The following ALK variants were observed in gnomAD, a reference collection of about 807,000 sequenced individuals.
The protein encoded by ALK is ALK tyrosine kinase receptor.
Under a neutral mutation model 163.1 loss-of-function variants are expected in ALK, and 74 were observed. The ratio of observed to expected loss-of-function variants is 0.45; its 90% CI spans 0.38 to 0.55. The LOEUF is 0.55. Among genes scored for constraint, ALK ranks in the 20% least tolerant of loss-of-function variants. The probability of loss-of-function intolerance (pLI) is 0.00; values close to 1 mark genes in which losing one functional copy is unlikely to be tolerated. For missense variants in ALK, 2,063 were observed against 2,105.3 expected (o/e 0.98, Z 0.39); for synonymous variants, 960 against 843.2 (o/e 1.14, Z -2.40).
At chr2:29,289,004 G>T (rs191397723) in intron 9 of ALK, among the ~76,000 whole-genome samples, 4 of 140,922 alleles carry the variant, frequency 2.8e-5, no homozygotes, top group Non-Finnish European at 6.3e-5. Context: ...ATAAATAAAA[G>T]AAAATTGTGT....
rs144342287 is a variant in ALK, at chr2:29,695,119, T to C, written c.788-105A>G. 8.6e-4 allele frequency: 1,128 copies of C among 1,309,502 alleles called. 10 individuals carry two copies. The African/African-American group carries it at 0.014, about 16-fold the overall frequency. The allele number at this position is 1,309,502 out of a possible 1,614,324, so 81.1% of individuals were successfully genotyped here. A position where few individuals can be genotyped will look rare whatever the true frequency, so the allele number is the denominator to read the frequency against. The stretch of plus-strand genomic sequence containing the variant: ...GGTTGGCCTTCATCTCCCCACATCC[T>C]TTGCCCTGTCCAAGGGAGATCAGTT... On this transcript the variant is annotated intron_variant, in intron 2 of 28. Coordinates refer to ENST00000389048, the MANE Select transcript of ALK (RefSeq NM_004304.5).
chr2:29,593,000 G>A (rs530762832), intron 3 of ALK, among the ~76,000 whole-genome samples: 3 of 152,288 alleles, frequency 2.0e-5, no homozygotes, highest in Non-Finnish European at 4.4e-5. Context: ...CCCAGTTTGC[G>A]GTCATTTGTT....
At chr2:29,750,984 C>T (rs1239789131) in intron 1 of ALK, among the ~76,000 whole-genome samples, 1 of 152,080 alleles carries the variant, frequency 6.6e-6, no homozygotes, top group Non-Finnish European at 1.5e-5. Context: ...GCAGGAGAAT[C>T]GCTTGAAGCC....
At chr2:29,814,245 A>C (rs1664835031) in intron 1 of ALK, among the ~76,000 whole-genome samples, 1 of 152,094 alleles carries the variant, frequency 6.6e-6, no homozygotes. Flanking sequence ...GCTGCACTGT[A>C]AGTGGTGGAG....
At position 29,885,163 on chromosome 2, in the gene ALK, C is replaced by T. The variant is rs539188937; in HGVS notation, c.667+34830G>A. Among the ~76,000 whole-genome samples the T allele has an allele frequency of 3.3e-5, 5 of 152,220 alleles. No individual in the cohort carries two copies. The South Asian group carries it at 8.3e-4, about 25-fold the overall frequency. On this transcript the variant is annotated intron_variant, in intron 1 of 28. Coordinates refer to ENST00000389048, the MANE Select transcript of ALK (RefSeq NM_004304.5). ...AAGTACCTTGCTAGTAAGGGACTAC[C>T]CTTTAAAGTTATTTTGATATTGGAT...
chr2:29,244,194 C>T (rs1017231801), intron 12 of ALK, among the ~76,000 whole-genome samples: 4 of 152,300 alleles, frequency 2.6e-5, no homozygotes, highest in African/African-American at 9.6e-5. Context: ...TCTGGAGGAG[C>T]GGCAGAGTGG....
rs111332457 is a variant in ALK at position 29,913,499 on chromosome 2, G to A, written c.667+6494C>T. Among the ~76,000 whole-genome samples the A allele has an allele frequency of 2.3e-3, 357 of 152,158 alleles. 2 individuals are homozygous for A. Among genetic ancestry groups the A allele is most frequent in the African/African-American group, 8.2e-3 (341 of 41,516 alleles). ...ACCCTAGACCACAGAGCAACACAAT[G>A]GCTGTAAAGAAGAAGGACTCCTTGA... On this transcript the variant is annotated intron_variant, in intron 1 of 28. Transcript: ENST00000389048.
At chr2:29,232,270 G>C in intron 15 of ALK, 34 bp downstream of exon 15, 1 of 1,613,794 alleles carries the variant, frequency 6.2e-7, no homozygotes, top group Non-Finnish European at 8.5e-7. Flanking sequence ...GCCTGGGAGA[G>C]GTTCTGGGAG....
intron 3 of ALK, among the ~76,000 whole-genome samples, chr2:29,570,096 T>C (rs1372648100): frequency 6.6e-6 from 1 of 152,224 alleles, no homozygotes; most frequent in East Asian, 1.9e-4. Flanking sequence ...GGGTAGAGTT[T>C]ATCCTTCATT....
chr2:29,904,312 G>A (rs1263628269), intron 1 of ALK, among the ~76,000 whole-genome samples: 1 of 152,076 alleles, frequency 6.6e-6, no homozygotes. Flanking sequence ...GGACAGGATT[G>A]GTTTTCTGGT....
intron 1 of ALK, among the ~76,000 whole-genome samples, chr2:29,852,676 G>A (rs892823678): frequency 2.0e-5 from 3 of 152,118 alleles, no homozygotes; most frequent in Non-Finnish European, 2.9e-5. Context: ...CCTATGGACC[G>A]AATGTTTGTG....
At chr2:29,633,182 G>T (rs1054244993) in intron 3 of ALK, among the ~76,000 whole-genome samples, 12 of 150,732 alleles carry the variant, frequency 8.0e-5, no homozygotes, top group Admixed American at 4.0e-4. Flanking sequence ...ATCCTCATAG[G>T]CTGAATGACC....
At chr2:29,886,872 T>C (rs959209488) in intron 1 of ALK, among the ~76,000 whole-genome samples, 4 of 152,210 alleles carry the variant, frequency 2.6e-5, no homozygotes, top group Non-Finnish European at 5.9e-5. Flanking sequence ...ATTTTCAAAT[T>C]CTTATCAGAA....
chr2:29,681,384 A>G (rs1678062687), intron 3 of ALK: 1 of 152,154 alleles, frequency 6.6e-6, no homozygotes, highest in Non-Finnish European at 1.5e-5. Context: ...GTGATTGGCA[A>G]ATGTTTTTAC....
chr2:29,794,797 G>T (rs1277185689), intron 1 of ALK, among the ~76,000 whole-genome samples: 1 of 152,092 alleles, frequency 6.6e-6, no homozygotes, highest in African/African-American at 2.4e-5. Flanking sequence ...TAACATCAAT[G>T]ATCACCAATC....
intron 16 of ALK, 84 bp downstream of exon 16, chr2:29,228,800 G>C (rs1230553441): frequency 2.2e-6 from 2 of 923,272 alleles, no homozygotes; most frequent in South Asian, 1.3e-5. Flanking sequence ...GGCCAGGGGA[G>C]GGCAGGGGAG....
Position 29,239,575 on chromosome 2 carries a change from C to T in ALK, c.2355+105G>A. The T allele has an allele frequency of 4.3e-6, 6 of 1,386,398 alleles. No homozygotes were observed. The South Asian group carries it at 5.8e-5, about 13-fold the overall frequency. The allele number at this position is 1,386,398 out of a possible 1,614,324, so 85.9% of individuals were successfully genotyped here. A position where few individuals can be genotyped will look rare whatever the true frequency, so the allele number is the denominator to read the frequency against. On this transcript the variant is annotated intron_variant, in intron 13 of 28. Transcript: ENST00000389048. ...AATTACTCTTTGCTGTCTCATTCTC[C>T]TGGTATGAACTTCCAGGAGGAGGGT...
intron 4 of ALK, among the ~76,000 whole-genome samples, chr2:29,399,365 T>C (rs1669388768): frequency 6.6e-6 from 1 of 152,214 alleles, no homozygotes; most frequent in South Asian, 2.1e-4. Context: ...CTCAGCTCAG[T>C]ACACTCTTTA....
chr2:29,460,401 T>C (rs1671057555), intron 4 of ALK, among the ~76,000 whole-genome samples: 1 of 152,138 alleles, frequency 6.6e-6, no homozygotes, highest in South Asian at 2.1e-4. Context: ...CACGCCTTGT[T>C]TTATTGCACT....
Sources: gnomAD v4.1 joint callset for allele counts (sites outside exome capture counted in the v4.1 genomes callset) on GRCh38, gnomAD v4.1.1 for gene constraint, MANE v1.5 for transcripts, NCBI Gene and HGNC (gene_info 2026-07-23, HGNC 2026-07-21) for gene names.